SMYD3: variants seen among roughly 807,000 people sequenced by gnomAD.
The protein encoded by SMYD3 is SET and MYND domain containing 3.
Under a neutral mutation model 57.7 loss-of-function variants are expected in SMYD3, and 36 were observed. The ratio of observed to expected loss-of-function variants is 0.62; its 90% CI spans 0.48 to 0.82. SMYD3 has a LOEUF of 0.82. Among genes scored for constraint, SMYD3 ranks in the 40% least tolerant of loss-of-function variants. The pLI, the probability that SMYD3 is intolerant of heterozygous loss-of-function variation, is 0.00. For synonymous variants in SMYD3, 211 were observed against 195.0 expected (o/e 1.08, Z -0.68); for missense variants, 515 against 538.8 (o/e 0.96, Z 0.44).
At chr1:246,172,548 A>G (rs2062358237) in intron 5 of SMYD3, among the ~76,000 whole-genome samples, 1 of 149,400 alleles carries the variant, frequency 6.7e-6, no homozygotes, top group Non-Finnish European at 1.5e-5. Flanking sequence ...TCAACACTGC[A>G]CACTTAGGCT....
chr1:246,097,497 C>T (rs747503656), intron 5 of SMYD3, among the ~76,000 whole-genome samples: 1 of 152,052 alleles, frequency 6.6e-6, no homozygotes, highest in Admixed American at 6.6e-5. Context: ...TATGCGTATA[C>T]GAACTATATT....
rs997213526 is a variant in SMYD3 at position 246,352,274 on chromosome 1, G to A, written c.228+2757C>T. 2.0e-5 allele frequency among the ~76,000 whole-genome samples: 3 copies of A among 151,800 alleles called. 1 individual carries two copies. Among genetic ancestry groups the A allele is most frequent in the Non-Finnish European group, 2.9e-5 (2 of 67,976 alleles). On this transcript the variant is annotated intron_variant, in intron 2 of 11. Coordinates refer to ENST00000490107, the MANE Select transcript of SMYD3 (RefSeq NM_001167740.2). The stretch of plus-strand genomic sequence containing the variant: ...CCTCTCTCAGACAACTTGATGCCAT[G>A]GTCCCACACATCAAATGCTAAGCTA...
chr1:246,270,815 T>C (rs570743385), intron 5 of SMYD3, among the ~76,000 whole-genome samples: 27 of 152,338 alleles, frequency 1.8e-4, no homozygotes, highest in Non-Finnish European at 2.9e-4. Context: ...CTGCTTTCAA[T>C]TCTTTTGGGT....
intron 5 of SMYD3, among the ~76,000 whole-genome samples, chr1:245,959,935 T>G (rs2147983187): frequency 6.6e-6 from 1 of 152,208 alleles, no homozygotes; most frequent in African/African-American, 2.4e-5. Flanking sequence ...TGTGCCACCA[T>G]GCCCGGCTAA....
At chr1:245,874,227 T>G (rs1252689908) in intron 8 of SMYD3, among the ~76,000 whole-genome samples, 1 of 152,218 alleles carries the variant, frequency 6.6e-6, no homozygotes, top group Non-Finnish European at 1.5e-5. Context: ...AACCAAGAAT[T>G]TGACAATGGT....
intron 5 of SMYD3, among the ~76,000 whole-genome samples, chr1:245,983,441 T>G (rs915477559): frequency 1.3e-5 from 2 of 152,204 alleles, no homozygotes; most frequent in African/African-American, 2.4e-5. Flanking sequence ...AGAAACGCAT[T>G]TGATGAGATC....
At chr1:246,292,912 T>C (rs2064723068) in intron 5 of SMYD3, among the ~76,000 whole-genome samples, 1 of 152,120 alleles carries the variant, frequency 6.6e-6, no homozygotes, top group South Asian at 2.1e-4. Context: ...TTTTAGTTAA[T>C]GCTAAGTATT....
chr1:246,445,007 G>A (rs1004032469), intron 1 of SMYD3, among the ~76,000 whole-genome samples: 1 of 152,156 alleles, frequency 6.6e-6, no homozygotes, highest in Non-Finnish European at 1.5e-5. Flanking sequence ...TCTCCTTGGG[G>A]CTTTGTTCCC....
At chr1:246,120,218 C>T (rs2061404781) in intron 5 of SMYD3, among the ~76,000 whole-genome samples, 1 of 152,306 alleles carries the variant, frequency 6.6e-6, no homozygotes, top group South Asian at 2.1e-4. Flanking sequence ...GGATTTATAA[C>T]TTGCTTCAGG....
chr1:246,188,792 C>T (rs747817312), intron 5 of SMYD3, among the ~76,000 whole-genome samples: 13 of 151,710 alleles, frequency 8.6e-5, no homozygotes, highest in Non-Finnish European at 1.6e-4. Context: ...GAGACCCTAT[C>T]GCTACTAAAA....
chr1:246,130,983 A>C (rs2061578561), intron 5 of SMYD3, among the ~76,000 whole-genome samples: 1 of 152,152 alleles, frequency 6.6e-6, no homozygotes, highest in East Asian at 1.9e-4. Flanking sequence ...TGTACACTAC[A>C]CACACTCTAT....
intron 1 of SMYD3, among the ~76,000 whole-genome samples, chr1:246,405,318 C>T (rs2102975435): frequency 6.6e-6 from 1 of 152,272 alleles, no homozygotes; most frequent in Middle Eastern, 3.4e-3. Context: ...AGTAGCATAT[C>T]CACCACCTCA....
intron 5 of SMYD3, chr1:246,326,983 G>A (rs1010600983): frequency 7.1e-6 from 4 of 560,902 alleles, no homozygotes; most frequent in African/African-American, 5.8e-5. Flanking sequence ...AACATACTCA[G>A]GCAATAACAA....
chr1:245,860,621 G>A (rs908188715), intron 9 of SMYD3, among the ~76,000 whole-genome samples: 1 of 152,202 alleles, frequency 6.6e-6, no homozygotes, highest in Admixed American at 6.5e-5. Flanking sequence ...TGGAGGAATT[G>A]ACCCTGATCC....
chr1:245,887,381 T>C (rs551527060), intron 8 of SMYD3, among the ~76,000 whole-genome samples: 1 of 152,212 alleles, frequency 6.6e-6, no homozygotes, highest in East Asian at 1.9e-4. Context: ...GAAATAACCA[T>C]AAAAATGGGT....
chr1:246,384,644 G>A lies in SMYD3; in HGVS notation c.165-29550C>T, dbSNP rs146179943. ...ACTCCTCACCTCAAGTGATCTGCCC[G>A]CCTCGGCCTCCCAAAGTGCTGAGAT... On this transcript the variant is annotated intron_variant, in intron 1 of 11. Coordinates refer to ENST00000490107, the MANE Select transcript of SMYD3 (RefSeq NM_001167740.2). 2.1e-3 allele frequency among the ~76,000 whole-genome samples: 314 copies of A among 152,208 alleles called. 2 individuals are homozygous for A. The highest frequency in any genetic ancestry group is 6.6e-3 in the African/African-American group (274 of 41,524).
chr1:245,829,003 A>G (rs2049674354), intron 10 of SMYD3, among the ~76,000 whole-genome samples: 2 of 150,472 alleles, frequency 1.3e-5, no homozygotes, highest in South Asian at 4.2e-4. Flanking sequence ...ACGCCCGGCC[A>G]GTTTTTCTGA....
At chr1:246,439,688 A>G (rs941491696) in intron 1 of SMYD3, among the ~76,000 whole-genome samples, 3 of 152,000 alleles carry the variant, frequency 2.0e-5, no homozygotes, top group African/African-American at 7.3e-5. Flanking sequence ...TAAATGTGCT[A>G]GAAGTACTAA....
intron 10 of SMYD3, among the ~76,000 whole-genome samples, chr1:245,847,430 G>A (rs1047300087): frequency 4.6e-5 from 7 of 152,176 alleles, no homozygotes; most frequent in Admixed American, 2.0e-4. Flanking sequence ...GCATGTAAGC[G>A]TGCTGATCAT....
Sources: gnomAD v4.1 joint callset for allele counts (sites outside exome capture counted in the v4.1 genomes callset) on GRCh38, gnomAD v4.1.1 for gene constraint, MANE v1.5 for transcripts, NCBI Gene and HGNC (gene_info 2026-07-23, HGNC 2026-07-21) for gene names.